Variants in FAHD1 observed in about 807,000 individuals in gnomAD.
FAHD1 encodes FAH domain containing oxaloacetate decarboxylase 1, also known as oxaloacetate tautomerase FAHD1, mitochondrial.
Under a neutral mutation model 12.7 loss-of-function variants are expected in FAHD1, and 14 were observed. The observed-to-expected ratio is 1.10, with a 90% CI of 0.73 to 1.72. The LOEUF (loss-of-function observed/expected upper bound fraction) is 1.72. FAHD1 is among the 40% of genes most tolerant of loss of function. The probability of loss-of-function intolerance (pLI) is 0.00; values close to 1 mark genes in which losing one functional copy is unlikely to be tolerated. For missense variants in FAHD1, 351 were observed against 298.9 expected, an observed-to-expected ratio of 1.17 and a Z score of -1.29; for synonymous variants, 153 against 124.9, an observed-to-expected ratio of 1.22 and a Z score of -1.50.
At chr16:1,834,263 TG>T (rs748679176) in intron 1 of FAHD1, 13 of 1,586,972 alleles carry the variant, frequency 8.2e-6, no homozygotes, top group Non-Finnish European at 1.0e-5. Context: ...GTTTTAAACA[TG>T]TTTTTGTCCA....
exon 1 of FAHD1, chr16:1,827,542 G>T (rs200357596): frequency 3.7e-5 from 60 of 1,613,274 alleles, no homozygotes; most frequent in Non-Finnish European, 5.0e-5. Flanking sequence ...GGATATGACC[G>T]CCCGGGACGT....
chr16:1,827,403 C>G, exon 1 of FAHD1: 1 of 1,611,336 alleles, frequency 6.2e-7, no homozygotes, highest in Non-Finnish European at 8.5e-7. Flanking sequence ...AGGGCTCGCC[C>G]ATCCTCATGC....
rs113071566 is a variant in FAHD1 at position 1,834,791 on chromosome 16, C to T, written c.628-3225C>T. Among the ~76,000 whole-genome samples, 131 of 151,834 alleles carry T rather than the reference C, an allele frequency of 8.6e-4. 1 individual carries two copies. The highest frequency in any genetic ancestry group is 3.4e-3 in the Middle Eastern group (1 of 292). On this transcript the variant is annotated intron_variant, in intron 1 of 2. Transcript: ENST00000382666. ...TCTACTAAAAATACAAAAAATTAGC[C>T]GGGCATGGTGGCACACACCTGTTAT...
chr16:1,828,023 T>A, exon 1 of FAHD1: 1 of 1,482,584 alleles, frequency 6.7e-7, no homozygotes, highest in Non-Finnish European at 8.9e-7. Flanking sequence ...GGCTCACGCC[T>A]GTAATCGCAG....
chr16:1,829,281 G>A (rs534657807), downstream of FAHD1, among the ~76,000 whole-genome samples: 2 of 152,158 alleles, frequency 1.3e-5, no homozygotes, highest in Non-Finnish European at 2.9e-5. Flanking sequence ...CGGTCCCCAT[G>A]TATTGAACAC....
exon 1 of FAHD1, chr16:1,827,426 G>A (rs187630331): frequency 6.2e-7 from 1 of 1,610,252 alleles, no homozygotes; most frequent in Non-Finnish European, 8.5e-7. Context: ...GCGTACACTC[G>A]CAACCTGCAC....
At chr16:1,835,435 C>A (rs1898717064) in intron 1 of FAHD1, among the ~76,000 whole-genome samples, 1 of 151,936 alleles carries the variant, frequency 6.6e-6, no homozygotes. Context: ...ATTTATACAG[C>A]ACTTTAACCA....
chr16:1,838,265 G>A, intron 2 of FAHD1: 1 of 411,736 alleles, frequency 2.4e-6, no homozygotes, highest in Non-Finnish European at 4.3e-6. Flanking sequence ...CTCCCAAAGT[G>A]GTAGGATTAC....
chr16:1,830,944 A>ACACACACACACACACCACCCACC, downstream of FAHD1, among the ~76,000 whole-genome samples: 2 of 147,308 alleles, frequency 1.4e-5, 1 homozygote, highest in East Asian at 4.0e-4. Context: ...ACACACACAC[A>ACACACACACACACACCACCCACC]CCCATATTTT....
rs111936252 is a variant in FAHD1, at chr16:1,834,150, A to G, written c.628-3866A>G. ...AACAATTTCTAGAAACATGTTCACC[A>G]CATGTAAACAAAATGCAATTTTCCC... On this transcript the variant is annotated intron_variant, in intron 1 of 2. Coordinates refer to the FAHD1 transcript ENST00000382666. 34 of 653,712 alleles carry G rather than the reference A, an allele frequency of 5.2e-5. 1 individual carries two copies. The highest frequency in any genetic ancestry group is 4.4e-4 in the African/African-American group (24 of 54,524). 40.5% of individuals were successfully genotyped at this position (653,712 alleles called of 1,614,324 possible). A position where few individuals can be genotyped will look rare whatever the true frequency, so the allele number is the denominator to read the frequency against.
At chr16:1,830,915 T>TACACACACAC (rs1555470121), downstream of FAHD1, among the ~76,000 whole-genome samples, 8 of 37,566 alleles carry the variant, frequency 2.1e-4, no homozygotes, top group African/African-American at 7.1e-4. Flanking sequence ...TCTCTCTCTC[T>TACACACACAC]ATACACACAC....
At chr16:1,836,476 A>G (rs995835286) in intron 1 of FAHD1, among the ~76,000 whole-genome samples, 1 of 152,122 alleles carries the variant, frequency 6.6e-6, no homozygotes, top group African/African-American at 2.4e-5. Flanking sequence ...GGACCTAAGC[A>G]TGCCCTGACT....
At chr16:1,828,581 C>T in exon 1 of FAHD1, 1 of 1,000,134 alleles carries the variant, frequency 1.0e-6, no homozygotes, top group Non-Finnish European at 1.2e-6. Context: ...CCGTTGTTTA[C>T]CAAATTTTCT....
At chr16:1,836,528 G>A (rs1300277426) in intron 1 of FAHD1, among the ~76,000 whole-genome samples, 2 of 147,210 alleles carry the variant, frequency 1.4e-5, no homozygotes, top group East Asian at 3.9e-4. Context: ...AACTGTTGAA[G>A]AGATGCAGCA....
At chr16:1,830,917 T>TACACACACACACACACACACAC (rs1555470124), downstream of FAHD1, among the ~76,000 whole-genome samples, 119 of 114,844 alleles carry the variant, frequency 1.0e-3, no homozygotes, top group African/African-American at 3.0e-3. Context: ...TCTCTCTCTA[T>TACACACACACACACACACACAC]ACACACACAC....
chr16:1,831,992 A>C (rs552236199), downstream of FAHD1, among the ~76,000 whole-genome samples: 1 of 151,780 alleles, frequency 6.6e-6, no homozygotes, highest in East Asian at 2.0e-4. Flanking sequence ...CATCATTGGC[A>C]CTTGTTTGTT....
chr16:1,831,886 C>T (rs1310848135), downstream of FAHD1, among the ~76,000 whole-genome samples: 1 of 152,124 alleles, frequency 6.6e-6, no homozygotes, highest in African/African-American at 2.4e-5. Flanking sequence ...CTGTTTCATC[C>T]TGAAACCATC....
At chr16:1,830,972 G>A (rs1485610488), downstream of FAHD1, among the ~76,000 whole-genome samples, 1 of 127,620 alleles carries the variant, frequency 7.8e-6, no homozygotes, top group Non-Finnish European at 1.7e-5. Context: ...CGTCGGGATG[G>A]TGACTGCAGA....
At chr16:1,828,814 A>C (rs1315260681) in exon 1 of FAHD1, 68 of 997,606 alleles carry the variant, frequency 6.8e-5, no homozygotes, top group Non-Finnish European at 8.1e-5. Flanking sequence ...TGAAGATTTC[A>C]CCTGTTTACT....
Sources: allele counts gnomAD v4.1 joint callset (sites outside exome capture counted in the v4.1 genomes callset), GRCh38; gene constraint gnomAD v4.1.1; transcripts MANE v1.5; gene names NCBI Gene and HGNC (gene_info 2026-07-23, HGNC 2026-07-21).